Variants in MYO1D observed in about 807,000 individuals in gnomAD.
MYO1D encodes myosin ID.
In MYO1D, 83 loss-of-function variants were observed where a neutral mutation model predicts 122.0. That is an observed-to-expected ratio of 0.68 (90% CI 0.57 to 0.82). The LOEUF (loss-of-function observed/expected upper bound fraction) is 0.82. Among genes scored for constraint, MYO1D ranks in the 40% least tolerant of loss-of-function variants. The probability of loss-of-function intolerance (pLI) is 0.00; values close to 1 mark genes in which losing one functional copy is unlikely to be tolerated. For missense variants in MYO1D, 1,157 were observed against 1,269.5 expected, an observed-to-expected ratio of 0.91 and a Z score of 1.35; for synonymous variants, 464 against 446.9, an observed-to-expected ratio of 1.04 and a Z score of -0.48.
At chr17:32,687,021 C>T (rs1315120861) in intron 16 of MYO1D, among the ~76,000 whole-genome samples, 1 of 148,500 alleles carries the variant, frequency 6.7e-6, no homozygotes, top group Non-Finnish European at 1.5e-5. Flanking sequence ...AAACAAAGAA[C>T]AAAAACTAAA....
At chr17:32,836,359 C>T (rs1454828117) in intron 1 of MYO1D, among the ~76,000 whole-genome samples, 2 of 152,158 alleles carry the variant, frequency 1.3e-5, no homozygotes, top group Non-Finnish European at 2.9e-5. Flanking sequence ...TTAAAGAGCA[C>T]ATATAGGGCA....
chr17:32,780,695 G>A lies in MYO1D; in HGVS notation c.185C>T (p.Thr62Ile). ...YKLLNIYGRD[T>I]IEQYKGRELY... ...CTCACGGCCTTTATACTGCTCAATT[G>A]TGTCTCTTCCATAGATGTTCAACAA... The change falls in exon 2 of 22, where the codon ACA becomes ATA. Residue 62 changes from threonine (T) to isoleucine (I), a missense_variant. Coordinates refer to ENST00000318217, the MANE Select transcript of MYO1D (RefSeq NM_015194.3). 6.2e-7 allele frequency: 1 copy of A among 1,614,126 alleles called. No homozygotes were observed. The highest frequency in any genetic ancestry group is 8.5e-7 in the Non-Finnish European group (1 of 1,180,028).
At chr17:32,595,478 A>G (rs889366958) in intron 21 of MYO1D, among the ~76,000 whole-genome samples, 1 of 152,128 alleles carries the variant, frequency 6.6e-6, no homozygotes, top group Admixed American at 6.5e-5. Context: ...AAATAACTTA[A>G]AAAAAGGAAA....
intron 1 of MYO1D, among the ~76,000 whole-genome samples, chr17:32,815,123 T>C (rs2090602900): frequency 6.6e-6 from 1 of 152,334 alleles, no homozygotes; most frequent in Admixed American, 6.5e-5. Flanking sequence ...CTGTTATGGA[T>C]GGTAAAATAC....
chr17:32,767,710 C>T lies in MYO1D; in HGVS notation c.757G>A (p.Ala253Thr), dbSNP rs2090072752. Residue 253 changes from alanine (A) to threonine (T), a missense_variant, in exon 7 of 22, where the codon GCC becomes ACC. Ala to Thr is a moderately conservative substitution (Grantham distance 58). Coordinates refer to ENST00000318217, the MANE Select transcript of MYO1D (RefSeq NM_015194.3). ...GGTTTGAAGCCAATGACTTTCATGG[C>T]ATCAGCAACAACTCTGAATTCGGCA... ...DAAEFRVVAD[A>T]MKVIGFKPEE... 6.2e-7 allele frequency: 1 copy of T among 1,613,732 alleles called. No homozygotes were observed. The highest frequency in any genetic ancestry group is 2.2e-5 in the East Asian group (1 of 44,872).
At chr17:32,856,173 G>A (rs1308365233) in intron 1 of MYO1D, among the ~76,000 whole-genome samples, 2 of 151,996 alleles carry the variant, frequency 1.3e-5, no homozygotes, top group Non-Finnish European at 2.9e-5. Context: ...GGAACACAAA[G>A]ACTTCTGTTG....
intron 3 of MYO1D, among the ~76,000 whole-genome samples, chr17:32,776,958 C>G (rs1038078186): frequency 6.6e-6 from 1 of 152,140 alleles, no homozygotes; most frequent in Non-Finnish European, 1.5e-5. Context: ...ACTGTTACTC[C>G]CGCTAATACT....
In MYO1D at chr17:32,774,785, G is replaced by A. The variant is rs575232504; in HGVS notation, c.564+1079C>T. On this transcript the variant is annotated intron_variant, in intron 4 of 21. Transcript: ENST00000318217. ...AATACATTTATTTCCTTAACAGTCC[G>A]ACTTCAATATAACAAACAAAAATAA... 6.0e-4 allele frequency among the ~76,000 whole-genome samples: 91 copies of A among 152,088 alleles called. 1 individual carries two copies. The highest frequency in any genetic ancestry group is 2.1e-3 in the African/African-American group (87 of 41,478).
chr17:32,765,225 C>A, intron 7 of MYO1D, 144 bp from the exon 8 acceptor site: 1 of 673,186 alleles, frequency 1.5e-6, no homozygotes, highest in Non-Finnish European at 2.5e-6. Flanking sequence ...AACAGTGTTT[C>A]ATCTACTTTT....
intron 14 of MYO1D, among the ~76,000 whole-genome samples, chr17:32,725,639 G>A (rs1026350409): frequency 6.6e-6 from 1 of 152,122 alleles, no homozygotes; most frequent in African/African-American, 2.4e-5. Flanking sequence ...AAAGATGGGA[G>A]GCTAAGAGGT....
chr17:32,852,570 A>G (rs2151082516), intron 1 of MYO1D, among the ~76,000 whole-genome samples: 1 of 152,342 alleles, frequency 6.6e-6, no homozygotes, highest in South Asian at 2.1e-4. Flanking sequence ...CTAATATGCT[A>G]CTATGCTTGA....
At chr17:32,530,604 C>T (rs1910480687) in intron 21 of MYO1D, among the ~76,000 whole-genome samples, 1 of 152,130 alleles carries the variant, frequency 6.6e-6, no homozygotes, top group South Asian at 2.1e-4. Flanking sequence ...AGTTTGAGAT[C>T]AGCCTGGGCT....
chr17:32,585,584 G>T (rs994090717), intron 21 of MYO1D, among the ~76,000 whole-genome samples: 1 of 152,026 alleles, frequency 6.6e-6, no homozygotes, highest in Non-Finnish European at 1.5e-5. Context: ...ACAAAAATTA[G>T]CCAGGTGTGG....
At chr17:32,779,351 ATTAT>A (rs1350262096) in intron 2 of MYO1D, among the ~76,000 whole-genome samples, 1 of 152,056 alleles carries the variant, frequency 6.6e-6, no homozygotes, top group Non-Finnish European at 1.5e-5. Flanking sequence ...TTATGATTCA[ATTAT>A]TTAAATGGAA....
intron 1 of MYO1D, among the ~76,000 whole-genome samples, chr17:32,844,628 G>A (rs931410930): frequency 9.9e-5 from 15 of 151,810 alleles, no homozygotes; most frequent in Non-Finnish European, 2.9e-5. Flanking sequence ...GAGTTACTAA[G>A]GCAGGAGGAT....
At chr17:32,580,582 T>A (rs1041851181) in intron 21 of MYO1D, among the ~76,000 whole-genome samples, 1 of 151,856 alleles carries the variant, frequency 6.6e-6, no homozygotes, top group Non-Finnish European at 1.5e-5. Flanking sequence ...GCTAATTTTT[T>A]GTATTTTTAG....
chr17:32,830,874 G>A (rs965379070), intron 1 of MYO1D, among the ~76,000 whole-genome samples: 6 of 152,100 alleles, frequency 3.9e-5, no homozygotes, highest in Non-Finnish European at 8.8e-5. Flanking sequence ...CCTGTGTAAC[G>A]GTGAAACCCG....
chr17:32,874,308 C>CTCTCTCTCTGTGTCTCTGTCTG (rs1450779141), intron 1 of MYO1D, among the ~76,000 whole-genome samples: 1 of 151,770 alleles, frequency 6.6e-6, no homozygotes, highest in African/African-American at 2.4e-5. Flanking sequence ...CTGTCTCTCT[C>CTCTCTCTCTGTGTCTCTGTCTG]TCTCTCTTTG....
chr17:32,759,828 T>C, intron 10 of MYO1D: 1 of 386,036 alleles, frequency 2.6e-6, no homozygotes, highest in Non-Finnish European at 4.6e-6. Flanking sequence ...GTAAAACAAG[T>C]ATTTTAATGT....
Sources: allele counts gnomAD v4.1 joint callset (sites outside exome capture counted in the v4.1 genomes callset), GRCh38; gene constraint gnomAD v4.1.1; transcripts MANE v1.5; gene names NCBI Gene and HGNC (gene_info 2026-07-23, HGNC 2026-07-21).